The following IL1RAPL1 variants were observed in gnomAD, a reference collection of about 807,000 sequenced individuals.
The protein encoded by IL1RAPL1 is interleukin-1 receptor accessory protein-like 1.
In IL1RAPL1, 3 loss-of-function variants were observed where a neutral mutation model predicts 48.4. That is an observed-to-expected ratio of 0.06 (90% CI 0.03 to 0.16). The LOEUF (loss-of-function observed/expected upper bound fraction) is 0.16. IL1RAPL1 is among the 10% of genes least tolerant of loss of function. The probability of loss-of-function intolerance (pLI) is 1.00; values close to 1 mark genes in which losing one functional copy is unlikely to be tolerated. For synonymous variants in IL1RAPL1, 185 were observed against 187.7 expected (o/e 0.99, Z 0.12); for missense variants, 349 against 530.6 (o/e 0.66, Z 3.36).
chrX:29,220,548 TG>T (rs199778418), intron 2 of IL1RAPL1, among the ~76,000 whole-genome samples: 4,498 of 112,153 alleles, frequency 0.04, 228 homozygotes, highest in African/African-American at 0.13. Context: ...ACAAGGGAAT[TG>T]GGAACTGATT....
intron 2 of IL1RAPL1, among the ~76,000 whole-genome samples, chrX:28,812,683 A>T (rs1008057711): frequency 8.1e-5 from 9 of 111,542 alleles, no homozygotes; most frequent in East Asian, 5.6e-4. Flanking sequence ...GTATAATAGA[A>T]GTATATTCAT....
chrX:29,631,330 G>T (rs982307854), intron 5 of IL1RAPL1, among the ~76,000 whole-genome samples: 3 of 111,961 alleles, frequency 2.7e-5, no homozygotes, highest in African/African-American at 9.7e-5. Context: ...GAGTGCAGTG[G>T]CACAATTAGG....
intron 2 of IL1RAPL1, among the ~76,000 whole-genome samples, chrX:28,914,367 A>G (rs1487654749): frequency 8.9e-6 from 1 of 111,755 alleles, no homozygotes; most frequent in Non-Finnish European, 1.9e-5. Flanking sequence ...TAAAATGTTC[A>G]TCATATAGCC....
chrX:28,959,323 G>A (rs1370588008), intron 2 of IL1RAPL1, among the ~76,000 whole-genome samples: 4 of 111,165 alleles, frequency 3.6e-5, no homozygotes, highest in African/African-American at 1.3e-4. Flanking sequence ...GGTGCATGTG[G>A]CCTTTTATCC....
chrX:29,011,281 A>G (rs1926116280), intron 2 of IL1RAPL1, among the ~76,000 whole-genome samples: 1 of 112,010 alleles, frequency 8.9e-6, no homozygotes, highest in South Asian at 3.7e-4. Context: ...CTATGTATTG[A>G]CCCAAGAGAA....
chrX:28,593,421 A>G (rs908581475), intron 1 of IL1RAPL1, among the ~76,000 whole-genome samples: 11 of 111,999 alleles, frequency 9.8e-5, no homozygotes, highest in Admixed American at 8.5e-4. Flanking sequence ...TTAATATCAC[A>G]ATATTAAAAG....
intron 6 of IL1RAPL1, among the ~76,000 whole-genome samples, chrX:29,852,151 A>G (rs1362594082): frequency 1.8e-5 from 2 of 112,763 alleles, no homozygotes; most frequent in African/African-American, 6.4e-5. Context: ...TGTTAAGCCA[A>G]CTTGCCAGAA....
At chrX:29,301,612 G>T (rs1482955502) in intron 3 of IL1RAPL1, among the ~76,000 whole-genome samples, 3 of 111,440 alleles carry the variant, frequency 2.7e-5, no homozygotes, top group Admixed American at 9.6e-5. Flanking sequence ...GTTATCTTCC[G>T]TTTGTACTTT....
At chrX:29,605,745 G>A (rs1041094691) in intron 5 of IL1RAPL1, among the ~76,000 whole-genome samples, 4 of 112,247 alleles carry the variant, frequency 3.6e-5, no homozygotes, top group Admixed American at 2.8e-4. Flanking sequence ...AGACTGAGAA[G>A]TGTATATTTT....
intron 2 of IL1RAPL1, among the ~76,000 whole-genome samples, chrX:29,054,088 T>C (rs747246380): frequency 9.0e-6 from 1 of 111,314 alleles, no homozygotes; most frequent in East Asian, 2.8e-4. Context: ...TTCCAAATCT[T>C]ATCATGTCTC....
intron 1 of IL1RAPL1, among the ~76,000 whole-genome samples, chrX:28,758,604 AG>A (rs1936130977): frequency 9.0e-6 from 1 of 111,603 alleles, no homozygotes; most frequent in Middle Eastern, 4.2e-3. Flanking sequence ...AAATAGAAGA[AG>A]GATGAAGAGC....
intron 2 of IL1RAPL1, among the ~76,000 whole-genome samples, chrX:29,058,143 A>C (rs1460968279): frequency 9.0e-6 from 1 of 110,746 alleles, no homozygotes; most frequent in Admixed American, 9.6e-5. Flanking sequence ...TGGGAGGCTG[A>C]GGTGGGCGGA....
chrX:28,678,226 G>A (rs1031637669), intron 1 of IL1RAPL1, among the ~76,000 whole-genome samples: 7 of 111,330 alleles, frequency 6.3e-5, no homozygotes, highest in Non-Finnish European at 1.1e-4. Context: ...GTTTTATTCC[G>A]ATGGCTATCA....
chrX:29,916,442 G>C (rs1016625196), intron 6 of IL1RAPL1, among the ~76,000 whole-genome samples: 1 of 111,671 alleles, frequency 9.0e-6, no homozygotes, highest in African/African-American at 3.3e-5. Context: ...CACAAATTGA[G>C]AGTTTGCTTA....
Position 28,922,894 on chromosome X carries a change from C to G in IL1RAPL1, c.82+133469C>G, listed in dbSNP as rs149543648. Among the ~76,000 whole-genome samples the G allele has an allele frequency of 7.6e-3, 849 of 111,714 alleles. 3 individuals carry two copies. The highest frequency in any genetic ancestry group is 0.014 in the Middle Eastern group (3 of 214). On this transcript the variant is annotated intron_variant, in intron 2 of 10. Transcript: ENST00000378993. ...GAAAAATGTAAGTTATAATTAAACA[C>G]TGAGAGTAATTCTTGTGGTTATTGT...
intron 1 of IL1RAPL1, among the ~76,000 whole-genome samples, chrX:28,770,577 G>T (rs182253475): frequency 8.9e-6 from 1 of 112,456 alleles, no homozygotes; most frequent in African/African-American, 3.2e-5. Context: ...CAAAGAAATT[G>T]AGAATACTTT....
chrX:29,707,960 AAAT>A (rs1432718009), intron 6 of IL1RAPL1, among the ~76,000 whole-genome samples: 2 of 110,139 alleles, frequency 1.8e-5, no homozygotes, highest in East Asian at 5.6e-4. Flanking sequence ...AAATAAAATA[AAAT>A]AAAATAAATA....
At chrX:29,188,508 T>C (rs1225047735) in intron 2 of IL1RAPL1, among the ~76,000 whole-genome samples, 1 of 110,568 alleles carries the variant, frequency 9.0e-6, no homozygotes, top group Non-Finnish European at 1.9e-5. Flanking sequence ...GAAAGAAGGA[T>C]GCAGCAAAAT....
At chrX:29,873,476 G>A (rs771879605) in intron 6 of IL1RAPL1, among the ~76,000 whole-genome samples, 2 of 109,361 alleles carry the variant, frequency 1.8e-5, no homozygotes, top group Non-Finnish European at 3.8e-5. Context: ...TCATGAATGG[G>A]ATTGATGCCT....
Sources: gnomAD v4.1 joint callset for allele counts (sites outside exome capture counted in the v4.1 genomes callset) on GRCh38, gnomAD v4.1.1 for gene constraint, MANE v1.5 for transcripts, NCBI Gene and HGNC (gene_info 2026-07-23, HGNC 2026-07-21) for gene names.